The following COL18A1 variants were observed in gnomAD, a reference collection of about 807,000 sequenced individuals.
COL18A1 encodes collagen alpha-1(XVIII) chain.
COL18A1 carries 133 observed loss-of-function variants against 168.0 expected under a neutral mutation model. The observed-to-expected ratio is 0.79, with a 90% CI of 0.69 to 0.91. The LOEUF (loss-of-function observed/expected upper bound fraction) is 0.91, where lower values mean the gene tolerates loss of function less well. Among genes scored for constraint, COL18A1 ranks in the 40% least tolerant of loss-of-function variants. The pLI is 0.00. For synonymous variants in COL18A1, 949 were observed against 809.0 expected (o/e 1.17, Z -2.94); for missense variants, 2,126 against 1,925.4 (o/e 1.10, Z -1.95).
rs1456961449 is a variant in COL18A1 at position 45,482,003 on chromosome 21, G to A, written c.1652G>A (p.Arg551Lys). The A allele has an allele frequency of 6.2e-7, 1 of 1,613,624 alleles. No individual in the cohort carries two copies. The highest frequency in any genetic ancestry group is 8.5e-7 in the Non-Finnish European group (1 of 1,179,650). ...GPPGREGPPG[R>K]TGQKGSLGEA... ...CCGGGAAGAGAGGGGCCCCCAGGAAGGACTGGGCAGAAAGGCAGCCTGGTA... is the reference window on the plus strand; with the variant it reads ...CCGGGAAGAGAGGGGCCCCCAGGAAAGACTGGGCAGAAAGGCAGCCTGGTA... The change falls in exon 14 of 42, where the codon AGG becomes AAG. Residue 551 changes from arginine to lysine, a missense_variant. Coordinates refer to ENST00000651438, the MANE Select transcript of COL18A1 (RefSeq NM_001379500.1).
intron 2 of COL18A1, chr21:45,467,262 C>A: frequency 1.0e-6 from 1 of 985,450 alleles, no homozygotes; most frequent in Non-Finnish European, 1.2e-6. Context: ...CTTGGGCTCC[C>A]TGGGCGAGGG....
Position 45,405,174 on chromosome 21 carries a change from G to T in COL18A1, c.-57G>T, listed in dbSNP as rs1024140377. 2 of 285,974 alleles carry T rather than the reference G, an allele frequency of 7.0e-6. No homozygotes were observed. Among genetic ancestry groups the T allele is most frequent in the Non-Finnish European group, 1.3e-5 (2 of 156,840 alleles). The allele number at this position is 285,974 out of a possible 1,614,324, so 17.7% of individuals were successfully genotyped here. ...GCGGCTGCAGCGCGGCGGTCCGAGC[G>T]GGTGCACCGCGGCGGAGGAGGCAGC... On this transcript the variant is annotated 5_prime_UTR_variant, in exon 1 of 42. Coordinates refer to ENST00000651438, the MANE Select transcript of COL18A1 (RefSeq NM_001379500.1).
chr21:45,467,132 G>A (rs571794658), intron 2 of COL18A1: 253 of 685,156 alleles, frequency 3.7e-4, no homozygotes, highest in Non-Finnish European at 4.4e-4. Context: ...GGCTCTGCCT[G>A]GCACGGCAGG....
chr21:45,484,065 CACT>C (rs1318761651), intron 15 of COL18A1, among the ~76,000 whole-genome samples: 1 of 140,504 alleles, frequency 7.1e-6, no homozygotes, highest in African/African-American at 2.8e-5. Flanking sequence ...CACACACACA[CACT>C]TCTCCAGCAT....
chr21:45,482,825 C>T lies in COL18A1; in HGVS notation c.1701+4C>T, dbSNP rs750158035. The T allele has an allele frequency of 1.2e-6, 2 of 1,614,044 alleles. No individual in the cohort carries two copies. The highest frequency in any genetic ancestry group is 1.7e-6 in the Non-Finnish European group (2 of 1,180,032). ...AGCAGGCGCCCCAGGACATAAGGTA[C>T]AAGCAGAATCCCTGGCACATCAGTC... On this transcript the variant is annotated splice_donor_region_variant and intron_variant, in intron 15 of 41. Transcript: ENST00000651438.
At position 45,431,855 on chromosome 21, in the gene COL18A1, G is replaced by A. The variant is rs1378477872; in HGVS notation, c.106+26382G>A. Among the ~76,000 whole-genome samples, 3 of 152,308 alleles carry A rather than the reference G, an allele frequency of 2.0e-5. No individual in the cohort carries two copies. The East Asian group carries it at 5.8e-4, about 29-fold the overall frequency. ...CTCAGCTCCTCGGGGTACAGCGGGG[G>A]TACCAGGCGGGTGAGTGGGTGGGTG... On this transcript the variant is annotated intron_variant, in intron 2 of 41. Transcript: ENST00000651438.
At position 45,457,956 on chromosome 21, in the gene COL18A1, T is replaced by C. The variant is rs1217876252; in HGVS notation, c.107-10286T>C. Among the ~76,000 whole-genome samples the C allele has an allele frequency of 3.3e-5, 5 of 152,098 alleles. No homozygotes were observed. Among genetic ancestry groups the C allele is most frequent in the Admixed American group, 6.5e-5 (1 of 15,276 alleles). ...TGATTCCCCTTGAGTTTCAGGCCAG[T>C]GACCGTTTCTCTCAGCAAAGCCCAG... On this transcript the variant is annotated intron_variant, in intron 2 of 41. Coordinates refer to ENST00000651438, the MANE Select transcript of COL18A1 (RefSeq NM_001379500.1). This position sits in a 1 kb window ranked among gnomAD's most constrained non-coding sequence, Gnocchi z 4.6.
chr21:45,438,496 C>T (rs2034281362), intron 2 of COL18A1, among the ~76,000 whole-genome samples: 1 of 152,256 alleles, frequency 6.6e-6, no homozygotes, highest in South Asian at 2.1e-4. Flanking sequence ...GTGCACCCAT[C>T]CTTGTTTTCT....
At chr21:45,458,298 C>G (rs957546173) in intron 2 of COL18A1, among the ~76,000 whole-genome samples, 1 of 147,558 alleles carries the variant, frequency 6.8e-6, no homozygotes, top group Non-Finnish European at 1.5e-5. Flanking sequence ...TGGAGCTCTC[C>G]CAGGCAGGGA....
intron 19 of COL18A1, among the ~76,000 whole-genome samples, 192 bp from the exon 20 acceptor site, chr21:45,490,083 G>A (rs1160251974): frequency 5.9e-4 from 1 of 1,688 alleles, no homozygotes; most frequent in African/African-American, 2.8e-3. Context: ...CCCTCCCCCC[G>A]ACTCCCCCCT....
At position 45,510,937 on chromosome 21, in the gene COL18A1, AAAC is replaced by A. The variant is rs1172994068; in HGVS notation, c.3694-172_3694-170del. On this transcript the variant is annotated intron_variant, in intron 40 of 41. Coordinates refer to ENST00000651438, the MANE Select transcript of COL18A1 (RefSeq NM_001379500.1). ...GGCTGCAGAACCCCACCCCCCAAAAAAACACACACCCACAACACCCCACATACA... is the reference window on the plus strand; with the variant it reads ...GGCTGCAGAACCCCACCCCCCAAAAAACACACCCACAACACCCCACATACA... Among the ~76,000 whole-genome samples the A allele has an allele frequency of 1.0e-3, 84 of 83,312 alleles. 1 individual carries two copies. The highest frequency in any genetic ancestry group is 4.6e-3 in the African/African-American group (79 of 17,336). The allele number at this position is 83,312 out of a possible 152,430, so 54.7% of individuals were successfully genotyped here. A position where few individuals can be genotyped will look rare whatever the true frequency, so the allele number is the denominator to read the frequency against.
At chr21:45,447,011 C>T (rs560965023) in intron 2 of COL18A1, among the ~76,000 whole-genome samples, 273 of 152,258 alleles carry the variant, frequency 1.8e-3, no homozygotes, top group Middle Eastern at 0.01. Flanking sequence ...CAGCTGACAC[C>T]GTGCTTGTGG....
chr21:45,496,316 C>T, intron 29 of COL18A1, 184 bp from the exon 30 acceptor site: 1 of 715,414 alleles, frequency 1.4e-6, no homozygotes, highest in Non-Finnish European at 2.6e-6. Context: ...TGAGGTGGGG[C>T]CGGGGCCAGT....
Position 45,498,128 on chromosome 21 carries a change from C to T in COL18A1, c.2683+467C>T. 1.6e-6 allele frequency: 1 copy of T among 637,744 alleles called. No individual in the cohort carries two copies. The highest frequency in any genetic ancestry group is 2.8e-6 in the Non-Finnish European group (1 of 353,998). 39.5% of individuals were successfully genotyped at this position (637,744 alleles called of 1,614,324 possible). A position where few individuals can be genotyped will look rare whatever the true frequency, so the allele number is the denominator to read the frequency against. ...CTCCCCCAAAGGACAAGAATTCCCCCCTGAGCCCCACCTCCATTGAGGGTG... is the reference window on the plus strand; with the variant it reads ...CTCCCCCAAAGGACAAGAATTCCCCTCTGAGCCCCACCTCCATTGAGGGTG... On this transcript the variant is annotated intron_variant, in intron 32 of 41. Coordinates refer to ENST00000651438, the MANE Select transcript of COL18A1 (RefSeq NM_001379500.1). This position sits in a 1 kb window ranked among gnomAD's most constrained non-coding sequence, Gnocchi z 4.5.
intron 2 of COL18A1, among the ~76,000 whole-genome samples, chr21:45,447,227 C>T (rs2034524185): frequency 6.6e-6 from 1 of 150,708 alleles, no homozygotes; most frequent in Non-Finnish European, 1.5e-5. Context: ...TCATATATAT[C>T]ATATATCATA....
chr21:45,470,734 G>A (rs1021153942), intron 3 of COL18A1, among the ~76,000 whole-genome samples: 37 of 152,086 alleles, frequency 2.4e-4, no homozygotes, highest in African/African-American at 6.5e-4. Context: ...TGATCCACCC[G>A]CCTAAGCCTC....
Position 45,473,766 on chromosome 21 carries a change from C to T in COL18A1, c.652-129C>T, listed in dbSNP as rs1449096475. ...ATACCGCACCCCCAGGGAGGCTGCC[C>T]GAGACCCCTTCCCTCTCCGAGACTC... is the stretch of plus-strand genomic sequence containing the variant. On this transcript the variant is annotated intron_variant, in intron 3 of 41. Transcript: ENST00000651438. This position sits in a 1 kb window ranked among gnomAD's most constrained non-coding sequence, Gnocchi z 4.0. 1.9e-5 allele frequency: 15 copies of T among 793,074 alleles called. No individual in the cohort carries two copies. The highest frequency in any genetic ancestry group is 5.3e-5 in the East Asian group (2 of 37,448). 49.1% of individuals were successfully genotyped at this position (793,074 alleles called of 1,614,324 possible).
chr21:45,440,483 C>T (rs926012533), intron 2 of COL18A1, among the ~76,000 whole-genome samples: 4 of 152,262 alleles, frequency 2.6e-5, no homozygotes, highest in South Asian at 4.1e-4. Context: ...CAGTCGGGGC[C>T]TGCTGGGGTT....
At chr21:45,493,246 C>T (rs1330392599) in intron 25 of COL18A1, 21 bp downstream of exon 25, 1 of 1,551,674 alleles carries the variant, frequency 6.4e-7, no homozygotes, top group Non-Finnish European at 8.7e-7. Context: ...CAGGTGCTGT[C>T]CCTCAACCCC....
Sources: gnomAD v4.1 joint callset for allele counts (sites outside exome capture counted in the v4.1 genomes callset) on GRCh38, gnomAD v4.1.1 for gene constraint, Gnocchi (gnomAD v3.1) non-coding constraint, MANE v1.5 for transcripts, NCBI Gene and HGNC (gene_info 2026-07-23, HGNC 2026-07-21) for gene names.